Variants in KIF1B observed in about 807,000 individuals in gnomAD.
KIF1B encodes the protein kinesin family member 1B, also known as kinesin-like protein KIF1B.
A neutral mutation model predicts 241.9 loss-of-function variants in KIF1B; 76 were observed. The observed-to-expected ratio is 0.31, with a 90% CI of 0.26 to 0.38. The LOEUF (loss-of-function observed/expected upper bound fraction) is 0.38. KIF1B is among the 10% of genes least tolerant of loss of function. The pLI is 1.00. For missense variants in KIF1B, 1,622 were observed against 2,271.4 expected, an observed-to-expected ratio of 0.71 and a Z score of 5.81; for synonymous variants, 750 against 796.7, an observed-to-expected ratio of 0.94 and a Z score of 0.99.
chr1:10,342,057 T>G lies in KIF1B; in HGVS notation c.3521T>G (p.Val1174Gly). ...LAFYHVQNIA[V>G]EITESFVDYI... ...AATCTTGCTTGGCTTTAGATTGCAG[T>G]GGAGATCACTGAATCATTTGTGGAT... The change falls in exon 33 of 49, where the codon GTG (valine) becomes GGG (glycine). Residue 1174 changes from valine (V) to glycine (G), a missense_variant. Around this residue, in one of 7 missense-constraint regions of KIF1B, gnomAD observed 803 missense variants for 1,112.0 expected, o/e 0.72. Transcript: ENST00000676179. 1 of 1,596,506 alleles carries G rather than the reference T, an allele frequency of 6.3e-7. No homozygotes were observed. The highest frequency in any genetic ancestry group is 8.6e-7 in the Non-Finnish European group (1 of 1,164,040).
chr1:10,295,207 CCT>C (rs761782105), intron 18 of KIF1B, 42 bp downstream of exon 18: 29 of 1,183,268 alleles, frequency 2.5e-5, no homozygotes, highest in Non-Finnish European at 3.4e-5. Context: ...GTGTTTTCCC[CCT>C]CTTAGATAAT....
rs1651348780 is a variant in KIF1B at position 10,317,421 on chromosome 1, T to C, written c.2116-2622T>C. The stretch of plus-strand genomic sequence containing the variant: ...CAGACTCACCTTGTACTTTCCTTGC[T>C]TCAGACCTGGAAGCAGCTATTTTTT... On this transcript the variant is annotated intron_variant, in intron 22 of 48. Coordinates refer to ENST00000676179, the MANE Select transcript of KIF1B (RefSeq NM_001365951.3). Among the ~76,000 whole-genome samples, 4 of 151,516 alleles carry C rather than the reference T, an allele frequency of 2.6e-5. 1 individual carries two copies. The South Asian group carries it at 8.3e-4, about 31-fold the overall frequency.
At chr1:10,302,340 C>A (rs889056358) in intron 22 of KIF1B, among the ~76,000 whole-genome samples, 9 of 152,120 alleles carry the variant, frequency 5.9e-5, no homozygotes, top group African/African-American at 2.2e-4. Flanking sequence ...ATCCAGATAA[C>A]ACACTTTAAT....
At chr1:10,215,166 ATATATATTTTTTTTTT>A (rs1469447584) in intron 1 of KIF1B, among the ~76,000 whole-genome samples, 7 of 57,618 alleles carry the variant, frequency 1.2e-4, no homozygotes, top group African/African-American at 4.5e-4. Context: ...ATATATATAT[ATATATATTTTTTTTTT>A]TTTTTTTTTT....
At chr1:10,308,568 C>T (rs1650937947) in intron 22 of KIF1B, 1 of 1,018,158 alleles carries the variant, frequency 9.8e-7, no homozygotes, top group Non-Finnish European at 1.2e-6. Flanking sequence ...ATAAAGACCT[C>T]ATTCAATAAA....
intron 26 of KIF1B, 138 bp from the exon 27 acceptor site, chr1:10,325,973 T>C: frequency 8.5e-7 from 1 of 1,177,874 alleles, no homozygotes; most frequent in South Asian, 1.2e-5. Context: ...ATGCTTATTT[T>C]ATCCTTTTGC....
chr1:10,238,055 A>G (rs1647081318), intron 2 of KIF1B, among the ~76,000 whole-genome samples: 1 of 152,082 alleles, frequency 6.6e-6, no homozygotes, highest in Non-Finnish European at 1.5e-5. Flanking sequence ...AGGAAGGGCA[A>G]AATGGAGATT....
chr1:10,312,088 C>A (rs1260358386), intron 22 of KIF1B, among the ~76,000 whole-genome samples: 1 of 150,168 alleles, frequency 6.7e-6, no homozygotes, highest in Non-Finnish European at 1.5e-5. Context: ...TGTCCTCTCT[C>A]TCCAGCCTGG....
chr1:10,238,084 A>G (rs1247120510), intron 2 of KIF1B, among the ~76,000 whole-genome samples: 1 of 152,124 alleles, frequency 6.6e-6, no homozygotes, highest in East Asian at 1.9e-4. Context: ...AAGAGTTTAG[A>G]AAGTAATGCA....
intron 44 of KIF1B, among the ~76,000 whole-genome samples, chr1:10,370,852 T>C (rs1638712894): frequency 6.6e-6 from 1 of 152,020 alleles, no homozygotes; most frequent in Non-Finnish European, 1.5e-5. Flanking sequence ...TCCCAGGTAC[T>C]CAGGAAGCCA....
intron 1 of KIF1B, among the ~76,000 whole-genome samples, chr1:10,220,809 C>A (rs1413260838): frequency 2.0e-5 from 3 of 151,006 alleles, no homozygotes; most frequent in Admixed American, 2.0e-4. Context: ...ATTACAGGTG[C>A]CTGCCGCCAA....
rs530473693 is a variant in KIF1B at position 10,308,200 on chromosome 1, G to C, written c.2115+10954G>C. On this transcript the variant is annotated intron_variant, in intron 22 of 48. Coordinates refer to ENST00000676179, the MANE Select transcript of KIF1B (RefSeq NM_001365951.3). Reference sequence around the variant, plus strand: ...TGACTGGGAGGCGGGGATGCTGCCTGTGTCCTGGTGAACCTTAATGAAGGG... The same window carrying C: ...TGACTGGGAGGCGGGGATGCTGCCTCTGTCCTGGTGAACCTTAATGAAGGG... 12 of 1,061,896 alleles carry C rather than the reference G, an allele frequency of 1.1e-5. No homozygotes were observed. In the East Asian group the frequency reaches 6.1e-4, roughly 54 times the overall value. The allele number at this position is 1,061,896 out of a possible 1,614,324, so 65.8% of individuals were successfully genotyped here.
chr1:10,219,668 G>T (rs1646815033), intron 1 of KIF1B, among the ~76,000 whole-genome samples: 1 of 151,976 alleles, frequency 6.6e-6, no homozygotes, highest in African/African-American at 2.4e-5. Context: ...TGAGGCAGGA[G>T]AATCACTTGA....
intron 1 of KIF1B, among the ~76,000 whole-genome samples, chr1:10,222,273 G>T (rs1170657355): frequency 6.6e-6 from 1 of 152,200 alleles, no homozygotes; most frequent in Non-Finnish European, 1.5e-5. Context: ...AGGTTGAGAA[G>T]GGAGATTGGG....
chr1:10,324,987 A>C, intron 26 of KIF1B, 92 bp downstream of exon 26: 1 of 1,383,590 alleles, frequency 7.2e-7, no homozygotes, highest in Non-Finnish European at 1.0e-6. Flanking sequence ...AGTTAAGAGG[A>C]AAAAAAAAGG....
chr1:10,272,393 C>A, intron 9 of KIF1B, 87 bp downstream of exon 9: 1 of 880,748 alleles, frequency 1.1e-6, no homozygotes, highest in Non-Finnish European at 1.9e-6. Flanking sequence ...TGAAGGCTGT[C>A]TTTTTGTGGC....
rs1487829129 is a variant in KIF1B at position 10,343,273 on chromosome 1, C to T, written c.3674C>T (p.Pro1225Leu). 1.2e-6 allele frequency: 2 copies of T among 1,614,080 alleles called. No individual in the cohort carries two copies. The highest frequency in any genetic ancestry group is 4.5e-5 in the East Asian group (2 of 44,898). The change falls in exon 34 of 49, where the codon CCA (proline) becomes CTA (leucine). Residue 1225 changes from proline to leucine, a missense_variant. Pro to Leu is a moderately conservative substitution (Grantham distance 98). Transcript: ENST00000676179. ...CGCCGATTCTTCCCTCCACCCATGCCACTGTCCAAGCCAGGTGAGCACTCG... is the reference window on the plus strand; with the variant it reads ...CGCCGATTCTTCCCTCCACCCATGCTACTGTCCAAGCCAGGTGAGCACTCG... ...PCRRFFPPPM[P>L]LSKPVPATKL... is the part of the protein sequence containing the mutation.
At chr1:10,224,907 G>T (rs1380689575) in intron 1 of KIF1B, among the ~76,000 whole-genome samples, 2 of 152,172 alleles carry the variant, frequency 1.3e-5, no homozygotes, top group Admixed American at 1.3e-4. Flanking sequence ...CACAGACAGG[G>T]TTGGGGTGAT....
intron 3 of KIF1B, among the ~76,000 whole-genome samples, chr1:10,258,051 G>A (rs2102185749): frequency 6.6e-6 from 1 of 152,324 alleles, no homozygotes; most frequent in Middle Eastern, 3.4e-3. Flanking sequence ...GATTGGAAAT[G>A]CTGTTTCCTG....
Sources: gnomAD v4.1 joint callset for allele counts (sites outside exome capture counted in the v4.1 genomes callset) on GRCh38, gnomAD v4.1.1 for gene constraint, gnomAD v4.1.1 regional missense constraint, MANE v1.5 for transcripts, NCBI Gene and HGNC (gene_info 2026-07-23, HGNC 2026-07-21) for gene names.